Variants in RBFOX1 observed in about 807,000 individuals in gnomAD.
The protein encoded by RBFOX1 is RNA binding protein fox-1 homolog 1.
In RBFOX1, 8 loss-of-function variants were observed where a neutral mutation model predicts 57.7. The observed-to-expected ratio is 0.14, with a 90% CI of 0.08 to 0.25. RBFOX1 has a LOEUF of 0.25. RBFOX1 is among the 10% of genes least tolerant of loss of function. RBFOX1 has a pLI of 1.00. For synonymous variants in RBFOX1, 326 were observed against 222.4 expected (o/e 1.47, Z -4.15); for missense variants, 611 against 548.5 (o/e 1.11, Z -1.14).
chr16:7,163,047 A>G (rs888781417), intron 4 of RBFOX1, among the ~76,000 whole-genome samples: 1 of 152,214 alleles, frequency 6.6e-6, no homozygotes, highest in Non-Finnish European at 1.5e-5. Flanking sequence ...GTCACAGAGC[A>G]GGTATTATGC....
intron 4 of RBFOX1, among the ~76,000 whole-genome samples, chr16:7,482,505 C>T (rs1006101002): frequency 1.0e-4 from 15 of 145,086 alleles, no homozygotes; most frequent in African/African-American, 3.8e-4. Flanking sequence ...TTTCTTAAAT[C>T]AAGAGTTTGC....
chr16:5,410,783 C>CT (rs5815243), intron 1 of RBFOX1, among the ~76,000 whole-genome samples: 99,307 of 152,084 alleles, frequency 0.65, 33,130 homozygotes, highest in African/African-American at 0.78. Flanking sequence ...TCCTTTCTGA[C>CT]TTTAAAATTC....
chr16:6,711,842 C>T (rs1044504926), intron 3 of RBFOX1, among the ~76,000 whole-genome samples: 1 of 152,142 alleles, frequency 6.6e-6, no homozygotes, highest in Non-Finnish European at 1.5e-5. Context: ...TCCCCAGGTA[C>T]CCCTAGGTCT....
chr16:7,313,089 C>G (rs1211351271), intron 4 of RBFOX1, among the ~76,000 whole-genome samples: 6 of 152,246 alleles, frequency 3.9e-5, no homozygotes, highest in Admixed American at 3.9e-4. Context: ...GGGTGTGGGA[C>G]TCGTACTTCC....
chr16:6,604,347 T>C (rs974265391), intron 2 of RBFOX1, among the ~76,000 whole-genome samples: 1 of 151,818 alleles, frequency 6.6e-6, no homozygotes, highest in Non-Finnish European at 1.5e-5. Flanking sequence ...ATTTTTTTAA[T>C]TTATTTTTTT....
intron 4 of RBFOX1, among the ~76,000 whole-genome samples, chr16:7,495,239 T>A (rs1359021356): frequency 6.6e-6 from 1 of 152,212 alleles, no homozygotes; most frequent in Non-Finnish European, 1.5e-5. Context: ...CTAGGCTAAT[T>A]CCATGTCTCT....
chr16:7,157,072 T>G (rs2077300973), intron 4 of RBFOX1, among the ~76,000 whole-genome samples: 1 of 152,172 alleles, frequency 6.6e-6, no homozygotes, highest in Admixed American at 6.5e-5. Context: ...TATACTTGAT[T>G]ATGCTACTAA....
intron 1 of RBFOX1, among the ~76,000 whole-genome samples, chr16:6,276,680 A>C (rs1431754632): frequency 6.6e-6 from 1 of 152,076 alleles, no homozygotes; most frequent in South Asian, 2.1e-4. Context: ...TATTTATCCC[A>C]CACATTGACT....
intron 3 of RBFOX1, among the ~76,000 whole-genome samples, chr16:5,784,167 A>T (rs1255228952): frequency 1.3e-5 from 2 of 152,094 alleles, no homozygotes; most frequent in East Asian, 3.9e-4. Flanking sequence ...CACGCCTATA[A>T]TCCCAGCACT....
intron 3 of RBFOX1, among the ~76,000 whole-genome samples, chr16:6,981,291 C>T (rs918916039): frequency 5.9e-5 from 9 of 151,880 alleles, no homozygotes; most frequent in African/African-American, 2.2e-4. Flanking sequence ...TCCAAAAGGC[C>T]CCTGTGTTTT....
At chr16:7,531,132 G>C (rs568542781) in intron 5 of RBFOX1, among the ~76,000 whole-genome samples, 3 of 152,144 alleles carry the variant, frequency 2.0e-5, no homozygotes, top group African/African-American at 7.2e-5. Context: ...CAATTTTCTT[G>C]TAAAAATAAA....
intron 3 of RBFOX1, among the ~76,000 whole-genome samples, chr16:6,791,366 C>G (rs2082904313): frequency 6.6e-6 from 1 of 152,156 alleles, no homozygotes; most frequent in Admixed American, 6.5e-5. Flanking sequence ...AATTATTTCT[C>G]TTTCCAGGCA....
At chr16:6,435,164 A>C (rs2094199155) in intron 2 of RBFOX1, among the ~76,000 whole-genome samples, 1 of 152,182 alleles carries the variant, frequency 6.6e-6, no homozygotes, top group African/African-American at 2.4e-5. Flanking sequence ...TTCGTAGTGA[A>C]CGCATGTTAC....
At chr16:7,278,204 C>A (rs140151807) in intron 4 of RBFOX1, among the ~76,000 whole-genome samples, 1 of 152,134 alleles carries the variant, frequency 6.6e-6, no homozygotes, top group East Asian at 1.9e-4. Context: ...TTGGTGTATG[C>A]ATTCAACAAA....
chr16:7,235,735 A>G (rs2093734156), intron 4 of RBFOX1, among the ~76,000 whole-genome samples: 1 of 152,202 alleles, frequency 6.6e-6, no homozygotes, highest in Non-Finnish European at 1.5e-5. Context: ...TGCAATTTAT[A>G]TATTAAGGGT....
chr16:5,903,968 C>G (rs889135407), intron 4 of RBFOX1, among the ~76,000 whole-genome samples: 1 of 152,152 alleles, frequency 6.6e-6, no homozygotes, highest in Non-Finnish European at 1.5e-5. Flanking sequence ...GTATATGTCA[C>G]CTTCGGGCAA....
chr16:5,869,684 T>C (rs2057422148), intron 4 of RBFOX1, among the ~76,000 whole-genome samples: 1 of 152,210 alleles, frequency 6.6e-6, no homozygotes, highest in Non-Finnish European at 1.5e-5. Flanking sequence ...ATTACAGGCA[T>C]GAGCCACCGC....
intron 1 of RBFOX1, among the ~76,000 whole-genome samples, chr16:6,023,317 G>A (rs1183551224): frequency 6.6e-6 from 1 of 151,572 alleles, no homozygotes; most frequent in Non-Finnish European, 1.5e-5. Context: ...TTGAGCACAG[G>A]TCTTCTAGAC....
intron 3 of RBFOX1, among the ~76,000 whole-genome samples, chr16:6,877,928 C>T (rs2062141685): frequency 1.3e-5 from 2 of 152,244 alleles, no homozygotes; most frequent in Admixed American, 6.5e-5. Context: ...AGTTGCAAAA[C>T]ATACACAGAG....
Sources: allele counts gnomAD v4.1 joint callset (sites outside exome capture counted in the v4.1 genomes callset), GRCh38; gene constraint gnomAD v4.1.1; transcripts MANE v1.5; gene names NCBI Gene and HGNC (gene_info 2026-07-23, HGNC 2026-07-21).